The following IKBKE variants were observed in gnomAD, a reference collection of about 807,000 sequenced individuals.
IKBKE encodes the protein inhibitor of nuclear factor kappa B kinase subunit epsilon.
In IKBKE, 45 loss-of-function variants were observed where a neutral mutation model predicts 92.1. The ratio of observed to expected loss-of-function variants is 0.49; its 90% CI spans 0.38 to 0.63. The LOEUF is 0.63. Ranked by LOEUF, IKBKE falls within the 20% of genes least tolerant of loss-of-function variation. The pLI, the probability that IKBKE is intolerant of heterozygous loss-of-function variation, is 0.00. For missense variants in IKBKE, 700 were observed against 932.8 expected, an observed-to-expected ratio of 0.75 and a Z score of 3.25; for synonymous variants, 374 against 380.3, an observed-to-expected ratio of 0.98 and a Z score of 0.19.
At position 206,473,233 on chromosome 1, in the gene IKBKE, G is replaced by C. The variant is rs1250555152; in HGVS notation, c.6G>C (p.Gln2His). 6.2e-7 allele frequency: 1 copy of C among 1,612,218 alleles called. No homozygotes were observed. Among genetic ancestry groups the C allele is most frequent in the Non-Finnish European group, 8.5e-7 (1 of 1,179,134 alleles). The change falls in exon 3 of 22, where the codon CAG becomes CAC. Residue 2 changes from glutamine to histidine, a missense_variant. By Grantham distance (24) the Gln-to-His change is conservative (BLOSUM62 0). Transcript: ENST00000581977. ...CAGCCAGCTCAGGGCAGGAGATGCA[G>C]AGCACAGCCAATTACCTGTGGCACA... M[Q>H]STANYLWHTD...
chr1:206,474,381 G>A lies in IKBKE; in HGVS notation c.138G>A (p.Leu46=). The A allele has an allele frequency of 6.2e-7, 1 of 1,614,082 alleles. No homozygotes were observed. The highest frequency in any genetic ancestry group is 1.1e-5 in the South Asian group (1 of 91,084). The change falls in exon 4 of 22, where the codon CTG becomes CTA. Residue 46 remains leucine (L), a synonymous_variant. Transcript: ENST00000581977. ...AGGTCTTCAACACTACCAGCTACCTGCGGCCCCGCGAGGTGCAGGTGAGGG... is the reference window on the plus strand; with the variant it reads ...AGGTCTTCAACACTACCAGCTACCTACGGCCCCGCGAGGTGCAGGTGAGGG... ...AVKVFNTTSY[L]RPREVQVREF... is the part of the protein sequence containing the mutation.
intron 10 of IKBKE, among the ~76,000 whole-genome samples, 193 bp from the exon 11 acceptor site, chr1:206,479,677 T>C (rs1286198194): frequency 1.3e-5 from 2 of 152,188 alleles, no homozygotes; most frequent in Non-Finnish European, 2.9e-5. Context: ...TTCTCAAAAG[T>C]GGCCGCAAGG....
Position 206,485,219 on chromosome 1 carries a change from C to T in IKBKE, c.1529C>T (p.Ser510Phe), listed in dbSNP as rs2103472326. 6.2e-7 allele frequency: 1 copy of T among 1,613,874 alleles called. No homozygotes were observed. Among genetic ancestry groups the T allele is most frequent in the Non-Finnish European group, 8.5e-7 (1 of 1,179,784 alleles). Residue 510 changes from serine (S) to phenylalanine (F), a missense_variant, in exon 15 of 22, where the codon TCC becomes TTC. Physicochemically the swap from Ser to Phe is radical, Grantham distance 155 (BLOSUM62 -2). Transcript: ENST00000581977. This position sits in a 1 kb window ranked among gnomAD's most constrained non-coding sequence, Gnocchi z 5.0. ...CTAGCGGAGGTCCTCTCCAGATGCTCCCAAAATATCACGGAGACCCAGGAG... is the reference window on the plus strand; with the variant it reads ...CTAGCGGAGGTCCTCTCCAGATGCTTCCAAAATATCACGGAGACCCAGGAG... ...RTLAEVLSRC[S>F]QNITETQESL... is the part of the protein sequence containing the mutation.
chr1:206,478,070 G>T lies in IKBKE; in HGVS notation c.813-90G>T. 1 of 1,052,454 alleles carries T rather than the reference G, an allele frequency of 9.5e-7. No homozygotes were observed. The highest frequency in any genetic ancestry group is 1.4e-5 in the South Asian group (1 of 70,686). The allele number at this position is 1,052,454 out of a possible 1,614,324, so 65.2% of individuals were successfully genotyped here. On this transcript the variant is annotated intron_variant, in intron 8 of 21. Transcript: ENST00000581977. The surrounding 1 kb of genome is among the most constrained non-coding windows in gnomAD (Gnocchi z 4.8). ...CCACCATCTTGGTCCTAGCTCTTCA[G>T]GATATTCTCTTAGAACGCTCCTATT...
Position 206,490,741 on chromosome 1 carries a change from A to G in IKBKE, c.1694-78A>G, listed in dbSNP as rs1665904785. 20 of 1,457,414 alleles carry G rather than the reference A, an allele frequency of 1.4e-5. 1 individual carries two copies. The South Asian group carries it at 2.3e-4, about 17-fold the overall frequency. 90.3% of individuals were successfully genotyped at this position (1,457,414 alleles called of 1,614,324 possible). A position where few individuals can be genotyped will look rare whatever the true frequency, so the allele number is the denominator to read the frequency against. The stretch of plus-strand genomic sequence containing the variant: ...CAGGCTGGGCCGTCTTCATCTTTTA[A>G]CTGTCTCTCGACCTTTGCTGCACAC... On this transcript the variant is annotated intron_variant, in intron 16 of 21. Coordinates refer to ENST00000581977, the MANE Select transcript of IKBKE (RefSeq NM_014002.4). This position sits in a 1 kb window ranked among gnomAD's most constrained non-coding sequence, Gnocchi z 5.2.
Position 206,490,232 on chromosome 1 carries a change from C to G in IKBKE, c.1694-587C>G, listed in dbSNP as rs1253838792. On this transcript the variant is annotated intron_variant, in intron 16 of 21. Transcript: ENST00000581977. This position sits in a 1 kb window ranked among gnomAD's most constrained non-coding sequence, Gnocchi z 5.2. Reference sequence around the variant, plus strand: ...ATTTCATCTTGGGGCTGCCGCCACCCTGGAGGCCCATTCCTGCGAAGACCA... The same window carrying G: ...ATTTCATCTTGGGGCTGCCGCCACCGTGGAGGCCCATTCCTGCGAAGACCA... 6.6e-6 allele frequency among the ~76,000 whole-genome samples: 1 copy of G among 152,198 alleles called. No individual in the cohort carries two copies. The highest frequency in any genetic ancestry group is 6.5e-5 in the Admixed American group (1 of 15,282).
rs548209510 is a variant in IKBKE, at chr1:206,475,128, A to T, written c.358+134A>T. 1.4e-5 allele frequency: 13 copies of T among 934,136 alleles called. No individual in the cohort carries two copies. The South Asian group carries it at 1.6e-4, about 11-fold the overall frequency. 57.9% of individuals were successfully genotyped at this position (934,136 alleles called of 1,614,324 possible). A position where few individuals can be genotyped will look rare whatever the true frequency, so the allele number is the denominator to read the frequency against. On this transcript the variant is annotated intron_variant, in intron 5 of 21. Transcript: ENST00000581977. ...CCAACTTAAAAATTAAACCTAAAAA[A>T]GATTGTACACCAATGTTCACAGCAG...
chr1:206,491,445 G>T, intron 17 of IKBKE: 3 of 494,166 alleles, frequency 6.1e-6, no homozygotes, highest in South Asian at 2.0e-5. Flanking sequence ...CTGTTGATGT[G>T]GGCTTTGCTG....
rs1553385495 is a variant in IKBKE, at chr1:206,476,844, G to A, written c.701+6G>A. 1 of 1,614,138 alleles carries A rather than the reference G, an allele frequency of 6.2e-7. No homozygotes were observed. Among genetic ancestry groups the A allele is most frequent in the Admixed American group, 1.7e-5 (1 of 60,024 alleles). On this transcript the variant is annotated splice_donor_region_variant and intron_variant, in intron 7 of 21. Coordinates refer to ENST00000581977, the MANE Select transcript of IKBKE (RefSeq NM_014002.4). This position sits in a 1 kb window ranked among gnomAD's most constrained non-coding sequence, Gnocchi z 5.1. Reference sequence around the variant, plus strand: ...CGGCGGAACAAGGAGATCATGTACGGTGGGCCACAGGGCAGGGAATGGGGC... The same window carrying A: ...CGGCGGAACAAGGAGATCATGTACGATGGGCCACAGGGCAGGGAATGGGGC...
chr1:206,477,846 TGCC>T lies in IKBKE; in HGVS notation c.800_802del (p.Cys267_Gln268delinsTer). 1 of 1,551,872 alleles carries T rather than the reference TGCC, an allele frequency of 6.4e-7. No individual in the cohort carries two copies. The highest frequency in any genetic ancestry group is 8.7e-7 in the Non-Finnish European group (1 of 1,146,390). Reference sequence around the variant, plus strand: ...GTGGAGCTACACCCTCCCCATCACCTGCCAGCTGTCACTGTGAGTGGGACCCTG... The same window carrying T: ...GTGGAGCTACACCCTCCCCATCACCTAGCTGTCACTGTGAGTGGGACCCTG... On this transcript the variant is annotated stop_gained and inframe_deletion, in exon 8 of 22. Coordinates refer to ENST00000581977, the MANE Select transcript of IKBKE (RefSeq NM_014002.4). LOFTEE classifies it high-confidence loss of function.
chr1:206,488,284 G>T (rs1420457411), intron 16 of IKBKE, among the ~76,000 whole-genome samples: 4 of 152,220 alleles, frequency 2.6e-5, no homozygotes, highest in Non-Finnish European at 5.9e-5. Context: ...AGTGGGCCGG[G>T]ACCTGGGTGC....
intron 18 of IKBKE, 145 bp downstream of exon 18, chr1:206,491,894 G>A: frequency 1.7e-6 from 1 of 604,638 alleles, no homozygotes; most frequent in Non-Finnish European, 3.0e-6. Flanking sequence ...CTGTCCCTGG[G>A]TGGACCAGGC....
chr1:206,489,764 T>C (rs567205264), intron 16 of IKBKE, among the ~76,000 whole-genome samples: 1 of 152,220 alleles, frequency 6.6e-6, no homozygotes, highest in East Asian at 1.9e-4. Context: ...ATTTTATAGA[T>C]GAGAAAACCA....
At chr1:206,494,069 A>G (rs1284814901) in intron 21 of IKBKE, 78 bp downstream of exon 21, 2 of 1,227,882 alleles carry the variant, frequency 1.6e-6, no homozygotes, top group South Asian at 1.2e-5. Flanking sequence ...AGAGTCCCCA[A>G]GCCTGCCCAT....
chr1:206,494,555 C>CT (rs1553391613), intron 21 of IKBKE, among the ~76,000 whole-genome samples: 1 of 139,372 alleles, frequency 7.2e-6, no homozygotes, highest in East Asian at 2.1e-4. Context: ...GGCTCCGACT[C>CT]TGAGATTGAG....
Position 206,496,580 on chromosome 1 carries a change from TCTTC to T in IKBKE, c.*442_*445del. 4.1e-6 allele frequency: 1 copy of T among 246,310 alleles called. No homozygotes were observed. Among genetic ancestry groups the T allele is most frequent in the Non-Finnish European group, 7.9e-6 (1 of 126,542 alleles). 15.3% of individuals were successfully genotyped at this position (246,310 alleles called of 1,614,324 possible). ...AGTAGGTCAAACGACCTCATCACAG[TCTTC>T]CTTCCTCTTCAAGCGTTTCATGTTG... On this transcript the variant is annotated 3_prime_UTR_variant, in exon 22 of 22. Transcript: ENST00000581977.
chr1:206,485,096 G>A lies in IKBKE; in HGVS notation c.1503+24G>A, dbSNP rs1305667605. The A allele has an allele frequency of 6.2e-7, 1 of 1,609,714 alleles. No homozygotes were observed. Among genetic ancestry groups the A allele is most frequent in the African/African-American group, 1.3e-5 (1 of 74,846 alleles). ...CTGTGAGTGAGGCTGGAGGGCAAGGGCTTAGCAGGATCAGAGCTGGGGGCC... is the reference window on the plus strand; with the variant it reads ...CTGTGAGTGAGGCTGGAGGGCAAGGACTTAGCAGGATCAGAGCTGGGGGCC... On this transcript the variant is annotated intron_variant, in intron 14 of 21. Coordinates refer to ENST00000581977, the MANE Select transcript of IKBKE (RefSeq NM_014002.4). This position sits in a 1 kb window ranked among gnomAD's most constrained non-coding sequence, Gnocchi z 5.0.
chr1:206,494,561 T>G (rs1553391617), intron 21 of IKBKE, among the ~76,000 whole-genome samples: 1 of 151,362 alleles, frequency 6.6e-6, no homozygotes, highest in Non-Finnish European at 1.5e-5. Context: ...GACTCTGAGA[T>G]TGAGATTTTG....
At position 206,470,715 on chromosome 1, in the gene IKBKE, C is replaced by T. The variant is rs2297548; in HGVS notation, c.-123+17C>T. The T allele has an allele frequency of 0.79, 117,642 of 149,206 alleles. 46,162 individuals carry two copies. The highest frequency in any genetic ancestry group is 0.83 in the African/African-American group (33,602 of 40,644). 9.2% of individuals were successfully genotyped at this position (149,206 alleles called of 1,614,324 possible). The stretch of plus-strand genomic sequence containing the variant: ...GGAGATGGGGTGAGTGTGCAGCGTG[C>T]GGAGGGGGGTGGGGGTGGAATGAGG... On this transcript the variant is annotated intron_variant, in intron 1 of 21. Coordinates refer to ENST00000581977, the MANE Select transcript of IKBKE (RefSeq NM_014002.4).
Sources: allele counts gnomAD v4.1 joint callset (sites outside exome capture counted in the v4.1 genomes callset), GRCh38; gene constraint gnomAD v4.1.1; non-coding constraint Gnocchi (gnomAD v3.1); transcripts MANE v1.5; gene names NCBI Gene and HGNC (gene_info 2026-07-23, HGNC 2026-07-21).